Variants in RBMS3 observed in about 807,000 individuals in gnomAD.
The protein encoded by RBMS3 is RNA binding motif single stranded interacting protein 3, also known as RNA-binding motif, single-stranded-interacting protein 3.
Under a neutral mutation model 66.8 loss-of-function variants are expected in RBMS3, and 27 were observed. That is an observed-to-expected ratio of 0.40 (90% CI 0.30 to 0.56). The LOEUF (loss-of-function observed/expected upper bound fraction) is 0.56. RBMS3 is among the 20% of genes least tolerant of loss of function. The pLI is 0.40. For synonymous variants in RBMS3, 188 were observed against 183.0 expected (o/e 1.03, Z -0.22); for missense variants, 513 against 549.5 (o/e 0.93, Z 0.66).
At chr3:29,524,387 C>CCTGGAAGATATGAGTG (rs2148979296) in intron 3 of RBMS3, among the ~76,000 whole-genome samples, 1 of 148,168 alleles carries the variant, frequency 6.7e-6, no homozygotes, top group South Asian at 2.2e-4. Flanking sequence ...AACACTTTAA[C>CCTGGAAGATATGAGTG]CTGGAAGATA....
chr3:29,966,129 C>T (rs530922138), intron 12 of RBMS3, among the ~76,000 whole-genome samples: 18 of 152,002 alleles, frequency 1.2e-4, no homozygotes, highest in African/African-American at 2.4e-4. Flanking sequence ...TTGATGACTA[C>T]GGCCTTATAG....
intron 4 of RBMS3, among the ~76,000 whole-genome samples, chr3:29,738,385 T>G (rs951146207): frequency 2.0e-5 from 3 of 152,224 alleles, no homozygotes; most frequent in Non-Finnish European, 4.4e-5. Context: ...ATCTGGTACA[T>G]TTTGATATTA....
At chr3:29,691,439 T>G (rs1160886573) in intron 4 of RBMS3, among the ~76,000 whole-genome samples, 1 of 152,088 alleles carries the variant, frequency 6.6e-6, no homozygotes, top group Non-Finnish European at 1.5e-5. Context: ...TAAGAAATAA[T>G]AGCACACACT....
chr3:29,817,192 CTTT>C (rs373365962), intron 6 of RBMS3, among the ~76,000 whole-genome samples: 1 of 127,222 alleles, frequency 7.9e-6, no homozygotes. Flanking sequence ...ATTTTCTTTT[CTTT>C]TTTTTTTTTT....
chr3:29,347,547 G>GA (rs1334156258), intron 1 of RBMS3, among the ~76,000 whole-genome samples: 2 of 152,108 alleles, frequency 1.3e-5, no homozygotes, highest in South Asian at 4.1e-4. Flanking sequence ...GCGATGGGGG[G>GA]AAAATGGTCT....
intron 5 of RBMS3, among the ~76,000 whole-genome samples, chr3:29,758,558 A>G (rs1364373441): frequency 6.6e-6 from 1 of 152,170 alleles, no homozygotes; most frequent in Non-Finnish European, 1.5e-5. Context: ...TTTCTACAAA[A>G]GGGCATGTAA....
At chr3:29,449,709 C>T (rs996539492) in intron 2 of RBMS3, among the ~76,000 whole-genome samples, 30 of 152,264 alleles carry the variant, frequency 2.0e-4, no homozygotes, top group Admixed American at 1.8e-3. Flanking sequence ...CTTAAAAGTT[C>T]GTTTTAACGC....
At chr3:29,526,958 C>G (rs945547806) in intron 3 of RBMS3, among the ~76,000 whole-genome samples, 4 of 151,946 alleles carry the variant, frequency 2.6e-5, no homozygotes, top group African/African-American at 9.7e-5. Flanking sequence ...CCAAACTTTT[C>G]AACGTGACCA....
chr3:29,861,170 C>G (rs1303826411), intron 6 of RBMS3, among the ~76,000 whole-genome samples: 1 of 152,128 alleles, frequency 6.6e-6, no homozygotes, highest in Non-Finnish European at 1.5e-5. Context: ...AAGGTAGCTC[C>G]TGGATCAAAA....
intron 4 of RBMS3, among the ~76,000 whole-genome samples, chr3:29,617,449 C>T (rs2048709649): frequency 6.6e-6 from 1 of 152,152 alleles, no homozygotes; most frequent in Non-Finnish European, 1.5e-5. Context: ...TAGGTCCTAC[C>T]TTTAAGTGGA....
chr3:29,658,084 T>C (rs2050388840), intron 4 of RBMS3, among the ~76,000 whole-genome samples: 1 of 152,218 alleles, frequency 6.6e-6, no homozygotes, highest in African/African-American at 2.4e-5. Flanking sequence ...CTACCTGTAA[T>C]TCTTGGCAAG....
intron 2 of RBMS3, among the ~76,000 whole-genome samples, chr3:29,457,229 G>A (rs929868115): frequency 3.3e-5 from 5 of 152,074 alleles, no homozygotes; most frequent in African/African-American, 1.2e-4. Context: ...GATGTCTCTC[G>A]AGTTTGTTCA....
chr3:29,559,406 GAGGCTGAGGC>G (rs2046463973), intron 3 of RBMS3, among the ~76,000 whole-genome samples: 2 of 150,802 alleles, frequency 1.3e-5, no homozygotes, highest in African/African-American at 4.9e-5. Context: ...AGCTACTCAG[GAGGCTGAGGC>G]AGGAGAGTCA....
intron 1 of RBMS3, among the ~76,000 whole-genome samples, chr3:29,307,228 C>T (rs35526375): frequency 6.6e-6 from 1 of 151,888 alleles, no homozygotes; most frequent in Non-Finnish European, 1.5e-5. Flanking sequence ...GGTCATAGAG[C>T]TCATCAAAGC....
At chr3:29,875,051 T>C (rs957434137) in intron 7 of RBMS3, among the ~76,000 whole-genome samples, 2 of 152,094 alleles carry the variant, frequency 1.3e-5, no homozygotes, top group African/African-American at 4.8e-5. Flanking sequence ...CAGCAAGTAA[T>C]TACAAGTGGA....
chr3:29,676,572 A>C (rs989191574), intron 4 of RBMS3, among the ~76,000 whole-genome samples: 30 of 152,162 alleles, frequency 2.0e-4, no homozygotes, highest in African/African-American at 6.0e-4. Flanking sequence ...CATAACCAAA[A>C]TTGTTCACTT....
At chr3:29,802,230 G>T (rs932363281) in intron 6 of RBMS3, among the ~76,000 whole-genome samples, 9 of 152,082 alleles carry the variant, frequency 5.9e-5, no homozygotes, top group Admixed American at 1.3e-4. Context: ...CTACTTTATG[G>T]GCTATTTGCT....
chr3:29,637,698 G>A (rs1481147267), intron 4 of RBMS3, among the ~76,000 whole-genome samples: 1 of 151,848 alleles, frequency 6.6e-6, no homozygotes, highest in Non-Finnish European at 1.5e-5. Flanking sequence ...GTTTAGTAAT[G>A]TATTAACTTT....
Position 29,463,664 on chromosome 3 carries a change from AG to A in RBMS3, c.249-24774del, listed in dbSNP as rs1384243545. ...GGAAGCAGAAATGCCTTAAAGAGAGAGGGCTCTATAGCACTACTCTGGGTCC... is the reference window on the plus strand; with the variant it reads ...GGAAGCAGAAATGCCTTAAAGAGAGAGGCTCTATAGCACTACTCTGGGTCC... On this transcript the variant is annotated intron_variant, in intron 2 of 14. Coordinates refer to ENST00000383767, the MANE Select transcript of RBMS3 (RefSeq NM_001003793.3). 4.0e-5 allele frequency among the ~76,000 whole-genome samples: 6 copies of A among 150,678 alleles called. No homozygotes were observed. In the East Asian group the frequency reaches 1.2e-3, roughly 29 times the overall value.
Sources: allele counts gnomAD v4.1 joint callset (sites outside exome capture counted in the v4.1 genomes callset), GRCh38; gene constraint gnomAD v4.1.1; transcripts MANE v1.5; gene names NCBI Gene and HGNC (gene_info 2026-07-23, HGNC 2026-07-21).